The following FBXL7 variants were observed in gnomAD, a reference collection of about 807,000 sequenced individuals.
The protein encoded by FBXL7 is F-box/LRR-repeat protein 7.
FBXL7 carries 12 observed loss-of-function variants against 38.3 expected under a neutral mutation model. That is an observed-to-expected ratio of 0.31 (90% CI 0.20 to 0.51). The LOEUF is 0.51. Ranked by LOEUF, FBXL7 falls within the 20% of genes least tolerant of loss-of-function variation. The probability of loss-of-function intolerance (pLI) is 0.98; values close to 1 mark genes in which losing one functional copy is unlikely to be tolerated. For missense variants in FBXL7, 567 were observed against 676.4 expected, an observed-to-expected ratio of 0.84 and a Z score of 1.79; for synonymous variants, 297 against 300.9, an observed-to-expected ratio of 0.99 and a Z score of 0.13.
intron 2 of FBXL7, among the ~76,000 whole-genome samples, chr5:15,794,203 T>A (rs375354799): frequency 2.0e-5 from 3 of 152,202 alleles, no homozygotes; most frequent in Non-Finnish European, 4.4e-5. Flanking sequence ...ACAGTCTACT[T>A]GTACTCCAGA....
intron 1 of FBXL7, among the ~76,000 whole-genome samples, chr5:15,552,263 C>T (rs1210093378): frequency 6.6e-6 from 1 of 152,136 alleles, no homozygotes; most frequent in Non-Finnish European, 1.5e-5. Context: ...TACTTTTATC[C>T]TCTGGTCCAT....
Position 15,702,054 on chromosome 5 carries a change from A to G in FBXL7, c.127+85982A>G, listed in dbSNP as rs1199788878. Among the ~76,000 whole-genome samples the G allele has an allele frequency of 2.0e-5, 3 of 152,254 alleles. No homozygotes were observed. In the East Asian group the frequency reaches 5.8e-4, roughly 29 times the overall value. On this transcript the variant is annotated intron_variant, in intron 2 of 3. Coordinates refer to ENST00000504595, the MANE Select transcript of FBXL7 (RefSeq NM_012304.5). ...GGAATTCCAGACCAGACTGGCCAAC[A>G]TGGTGAAACCCCCTCTCTACTAAAA...
At chr5:15,818,741 T>TGAGA (rs1317996905) in intron 2 of FBXL7, among the ~76,000 whole-genome samples, 2 of 43,236 alleles carry the variant, frequency 4.6e-5, no homozygotes, top group Middle Eastern at 0.015. Context: ...TGTGTGTGTG[T>TGAGA]GTGAGAGAGA....
At chr5:15,676,207 CG>C (rs764995894) in intron 2 of FBXL7, among the ~76,000 whole-genome samples, 299 of 152,202 alleles carry the variant, frequency 2.0e-3, no homozygotes, top group Non-Finnish European at 2.5e-3. Context: ...TGTAATTATC[CG>C]GGGGGCCCTT....
At chr5:15,706,050 C>T (rs537525045) in intron 2 of FBXL7, among the ~76,000 whole-genome samples, 23 of 152,080 alleles carry the variant, frequency 1.5e-4, no homozygotes, top group African/African-American at 4.8e-4. Context: ...GGAATGCAGT[C>T]GCTGAGACCT....
At chr5:15,516,995 T>G (rs1039090628) in intron 1 of FBXL7, among the ~76,000 whole-genome samples, 9 of 152,062 alleles carry the variant, frequency 5.9e-5, no homozygotes, top group Non-Finnish European at 1.2e-4. Context: ...ACATAGATAT[T>G]GGGTTTTTTA....
chr5:15,739,864 A>ATGTT lies in FBXL7; in HGVS notation c.127+123794_127+123797dup, dbSNP rs530111293. Among the ~76,000 whole-genome samples the ATGTT allele has an allele frequency of 3.9e-4, 59 of 152,148 alleles. No homozygotes were observed. The East Asian group carries it at 0.01, about 27-fold the overall frequency. ...TGTGTACAAGTTTTTGTGTGCACCT[A>ATGTT]TGTTTTCATTTCTCTTAGGTATATA... On this transcript the variant is annotated intron_variant, in intron 2 of 3. Coordinates refer to ENST00000504595, the MANE Select transcript of FBXL7 (RefSeq NM_012304.5).
intron 2 of FBXL7, among the ~76,000 whole-genome samples, chr5:15,755,591 G>T (rs1736277242): frequency 1.3e-5 from 2 of 150,810 alleles, no homozygotes; most frequent in African/African-American, 4.8e-5. Flanking sequence ...TTTTGCTTGG[G>T]CAACAAAGCC....
At chr5:15,778,251 T>C (rs1315093754) in intron 2 of FBXL7, among the ~76,000 whole-genome samples, 2 of 152,100 alleles carry the variant, frequency 1.3e-5, no homozygotes, top group Admixed American at 1.3e-4. Context: ...CAAATATTTT[T>C]CACTTTCTTT....
chr5:15,936,989 T>A lies in FBXL7; in HGVS notation c.1279T>A (p.Cys427Ser). Residue 427 changes from cysteine (C) to serine (S), a missense_variant, in exon 4 of 4, where the codon TGC (cysteine) becomes AGC (serine). By Grantham distance (112) the Cys-to-Ser change is moderately radical. Coordinates refer to ENST00000504595, the MANE Select transcript of FBXL7 (RefSeq NM_012304.5). The surrounding 1 kb of genome is among the most constrained non-coding windows in gnomAD (Gnocchi z 6.0). The part of the protein sequence containing the change: ...DTGLECLALN[C>S]FNLKRLSLKS... ...GGGCCTGGAGTGCCTGGCCCTGAAC[T>A]GCTTCAACCTCAAGCGGCTCAGCCT... The A allele has an allele frequency of 6.2e-7, 1 of 1,614,046 alleles. No homozygotes were observed. Among genetic ancestry groups the A allele is most frequent in the South Asian group, 1.1e-5 (1 of 91,092 alleles).
intron 1 of FBXL7, among the ~76,000 whole-genome samples, chr5:15,573,537 G>C (rs1308812023): frequency 6.6e-6 from 1 of 152,192 alleles, no homozygotes; most frequent in Non-Finnish European, 1.5e-5. Context: ...GGCCGAAGAA[G>C]GGATTTTTAT....
At chr5:15,619,887 A>G (rs542991397) in intron 2 of FBXL7, among the ~76,000 whole-genome samples, 1 of 152,328 alleles carries the variant, frequency 6.6e-6, no homozygotes, top group South Asian at 2.1e-4. Context: ...TCTGACATCT[A>G]CATGGTAGCT....
intron 2 of FBXL7, among the ~76,000 whole-genome samples, chr5:15,668,516 G>A (rs933306909): frequency 6.6e-6 from 1 of 152,042 alleles, no homozygotes; most frequent in African/African-American, 2.4e-5. Context: ...CTGTGCATGT[G>A]CCTTCTGGAA....
rs914326459 is a variant in FBXL7 at position 15,791,339 on chromosome 5, T to C, written c.128-136551T>C. Among the ~76,000 whole-genome samples, 66 of 152,346 alleles carry C rather than the reference T, an allele frequency of 4.3e-4. 1 individual carries two copies. Among genetic ancestry groups the C allele is most frequent in the African/African-American group, 1.6e-3 (65 of 41,590 alleles). ...TGTTTCAAACTTTCTGTTGTCTTAA[T>C]GCATTATCTTCTCTCCCTGAAGAAC... On this transcript the variant is annotated intron_variant, in intron 2 of 3. Transcript: ENST00000504595.
intron 2 of FBXL7, among the ~76,000 whole-genome samples, chr5:15,807,372 C>T (rs1338091974): frequency 6.6e-6 from 1 of 152,184 alleles, no homozygotes; most frequent in African/African-American, 2.4e-5. Flanking sequence ...CCACATGCCT[C>T]TTCTGACCCA....
chr5:15,646,371 T>C (rs1741534961), intron 2 of FBXL7, among the ~76,000 whole-genome samples: 1 of 152,172 alleles, frequency 6.6e-6, no homozygotes, highest in Non-Finnish European at 1.5e-5. Context: ...AGGGTTATAT[T>C]GCTAGTAAGT....
chr5:15,887,837 C>T (rs1347269455), intron 2 of FBXL7, among the ~76,000 whole-genome samples: 2 of 152,090 alleles, frequency 1.3e-5, no homozygotes, highest in East Asian at 3.9e-4. Flanking sequence ...GTGTTGTTTC[C>T]AGTAGAGTGG....
chr5:15,625,108 T>G (rs943554671), intron 2 of FBXL7, among the ~76,000 whole-genome samples: 104 of 152,132 alleles, frequency 6.8e-4, no homozygotes, highest in African/African-American at 2.4e-3. Flanking sequence ...ATAAATTACC[T>G]GGCCTCAGAC....
At chr5:15,520,981 G>A (rs1192561296) in intron 1 of FBXL7, among the ~76,000 whole-genome samples, 1 of 152,164 alleles carries the variant, frequency 6.6e-6, no homozygotes, top group African/African-American at 2.4e-5. Flanking sequence ...AGAAGCCCAG[G>A]TACCGAAGGC....
Sources: gnomAD v4.1 joint callset for allele counts (sites outside exome capture counted in the v4.1 genomes callset) on GRCh38, gnomAD v4.1.1 for gene constraint, Gnocchi (gnomAD v3.1) non-coding constraint, MANE v1.5 for transcripts, NCBI Gene and HGNC (gene_info 2026-07-23, HGNC 2026-07-21) for gene names.